The following ZBTB34 variants were observed in gnomAD, a reference collection of about 807,000 sequenced individuals.
ZBTB34 encodes the protein zinc finger and BTB domain containing 34.
ZBTB34 carries 1 observed loss-of-function variant against 33.4 expected under a neutral mutation model. The ratio of observed to expected loss-of-function variants is 0.03; its 90% CI spans 0.01 to 0.14. The LOEUF is 0.14. Ranked by LOEUF, ZBTB34 falls within the 10% of genes least tolerant of loss-of-function variation. The probability of loss-of-function intolerance (pLI) is 1.00; values close to 1 mark genes in which losing one functional copy is unlikely to be tolerated. For synonymous variants in ZBTB34, 283 were observed against 253.5 expected (o/e 1.12, Z -1.11); for missense variants, 406 against 657.2 (o/e 0.62, Z 4.18).
chr9:126,861,488 TCTAAGAACC>T (rs1421408196), intron 1 of ZBTB34, among the ~76,000 whole-genome samples: 1 of 152,122 alleles, frequency 6.6e-6, no homozygotes, highest in Non-Finnish European at 1.5e-5. Flanking sequence ...CATTTAACTC[TCTAAGAACC>T]CTTCTGGCTC....
intron 1 of ZBTB34, among the ~76,000 whole-genome samples, chr9:126,869,590 G>T (rs2033252354): frequency 6.6e-6 from 1 of 152,160 alleles, no homozygotes; most frequent in Non-Finnish European, 1.5e-5. Context: ...CTGGTGTGGG[G>T]GCGGCTGGGT....
At chr9:126,873,516 G>A (rs1355012431) in intron 1 of ZBTB34, among the ~76,000 whole-genome samples, 1 of 152,032 alleles carries the variant, frequency 6.6e-6, no homozygotes, top group Admixed American at 6.6e-5. Flanking sequence ...CGCCTAACTC[G>A]GCCTCCCAAA....
At chr9:126,864,404 C>G (rs1211050642) in intron 1 of ZBTB34, among the ~76,000 whole-genome samples, 1 of 152,164 alleles carries the variant, frequency 6.6e-6, no homozygotes, top group African/African-American at 2.4e-5. Context: ...TCCTCTCCTG[C>G]TTGGAAAGCT....
At position 126,880,380 on chromosome 9, in the gene ZBTB34, G is replaced by C; in HGVS notation, c.981G>C (p.Lys327Asn). 1 of 1,613,702 alleles carries C rather than the reference G, an allele frequency of 6.2e-7. No individual in the cohort carries two copies. The highest frequency in any genetic ancestry group is 8.5e-7 in the Non-Finnish European group (1 of 1,179,830). The change falls in exon 2 of 2, where the codon AAG becomes AAC. Residue 327 changes from lysine (K) to asparagine (N), a missense_variant. This residue lies in a region of ZBTB34 where 123 missense variants were observed against 140.4 expected (regional missense o/e 0.88). Transcript: ENST00000319119. This position sits in a 1 kb window ranked among gnomAD's most constrained non-coding sequence, Gnocchi z 6.7. Reference sequence around the variant, plus strand: ...TCCGAGGAGGGCGTGCCCGCCAGAAGCGGGCTTTGTCTGTCCACCTGCACA... The same window carrying C: ...TCCGAGGAGGGCGTGCCCGCCAGAACCGGGCTTTGTCTGTCCACCTGCACA...
At position 126,879,960 on chromosome 9, in the gene ZBTB34, G is replaced by C; in HGVS notation, c.561G>C (p.Glu187Asp). Residue 187 changes from glutamate to aspartate, a missense_variant, in exon 2 of 2, where the codon GAG becomes GAC. By Grantham distance (45) the Glu-to-Asp change is conservative. Transcript: ENST00000319119. This position sits in a 1 kb window ranked among gnomAD's most constrained non-coding sequence, Gnocchi z 6.4. The stretch of plus-strand genomic sequence containing the variant: ...CCGCAAGCAGTGACCTCCGGATGGA[G>C]ACGACCCCCAGCAAAGCTTTGCGCA... 6.2e-7 allele frequency: 1 copy of C among 1,613,348 alleles called. No individual in the cohort carries two copies. The highest frequency in any genetic ancestry group is 8.5e-7 in the Non-Finnish European group (1 of 1,179,882).
At chr9:126,870,788 G>A (rs957169020) in intron 1 of ZBTB34, among the ~76,000 whole-genome samples, 12 of 152,080 alleles carry the variant, frequency 7.9e-5, no homozygotes, top group Non-Finnish European at 1.8e-4. Flanking sequence ...TTAGCCAAGC[G>A]TGGTGGCTTG....
chr9:126,862,915 C>CTTTT (rs11363063), intron 1 of ZBTB34, among the ~76,000 whole-genome samples: 3 of 144,726 alleles, frequency 2.1e-5, no homozygotes, highest in African/African-American at 7.6e-5. Flanking sequence ...TGTAATTTGC[C>CTTTT]TTTTTTTTTT....
At chr9:126,885,723 CTTGTA>C (rs1281386722) in exon 2 of ZBTB34, 1 of 167,028 alleles carries the variant, frequency 6.0e-6, no homozygotes, top group African/African-American at 2.4e-5. Flanking sequence ...ATATTTTACT[CTTGTA>C]TTCACTTTGT....
exon 2 of ZBTB34, chr9:126,882,729 T>C (rs1047237139): frequency 6.0e-6 from 1 of 167,094 alleles, no homozygotes; most frequent in Non-Finnish European, 1.5e-5. Context: ...GAATACAGAA[T>C]TAGATGTTTG....
At position 126,866,796 on chromosome 9, in the gene ZBTB34, A is replaced by G. The variant is rs375839311; in HGVS notation, c.-11+6057A>G. 5.3e-5 allele frequency among the ~76,000 whole-genome samples: 8 copies of G among 152,296 alleles called. No individual in the cohort carries two copies. The East Asian group carries it at 1.5e-3, about 29-fold the overall frequency. ...TTAAAAAAAAATTTTAGTGAGAATAATAGTTATGTGATTTTTTAAATGCAA... is the reference window on the plus strand; with the variant it reads ...TTAAAAAAAAATTTTAGTGAGAATAGTAGTTATGTGATTTTTTAAATGCAA... On this transcript the variant is annotated intron_variant, in intron 1 of 1. Transcript: ENST00000319119.
Position 126,879,418 on chromosome 9 carries a change from A to G in ZBTB34, c.19A>G (p.Ser7Gly), listed in dbSNP as rs1171134128. 3 of 1,612,458 alleles carry G rather than the reference A, an allele frequency of 1.9e-6. No homozygotes were observed. The highest frequency in any genetic ancestry group is 2.5e-6 in the Non-Finnish European group (3 of 1,179,038). ...ACGCTTCATGTCAGTAGAAATGGAC[A>G]GCAGCAGTTTTATTCAGTTTGATGT... Residue 7 changes from serine to glycine, a missense_variant, in exon 2 of 2, where the codon AGC becomes GGC. Ser to Gly is a moderately conservative substitution (Grantham distance 56). Coordinates refer to ENST00000319119, the Ensembl canonical transcript of ZBTB34. This position sits in a 1 kb window ranked among gnomAD's most constrained non-coding sequence, Gnocchi z 6.4.
In ZBTB34 at chr9:126,879,570, C is replaced by T. The variant is rs1564225749; in HGVS notation, c.171C>T (p.Ser57=). Reference sequence around the variant, plus strand: ...CCCACAAAGCAGTCCTTGCTGCCAGCTCCCCATATTTCCGGGACCATTCAG... The same window carrying T: ...CCCACAAAGCAGTCCTTGCTGCCAGTTCCCCATATTTCCGGGACCATTCAG... The change falls in exon 2 of 2, where the codon AGC becomes AGT. Residue 57 remains serine (S), a synonymous_variant. Transcript: ENST00000319119. This position sits in a 1 kb window ranked among gnomAD's most constrained non-coding sequence, Gnocchi z 6.4. 6.2e-7 allele frequency: 1 copy of T among 1,613,940 alleles called. No individual in the cohort carries two copies. The highest frequency in any genetic ancestry group is 1.7e-5 in the Admixed American group (1 of 60,030).
chr9:126,878,014 A>C (rs2033384771), intron 1 of ZBTB34, among the ~76,000 whole-genome samples: 2 of 152,016 alleles, frequency 1.3e-5, no homozygotes, highest in African/African-American at 4.8e-5. Flanking sequence ...ATAAAATAAA[A>C]ATAAATAAAA....
chr9:126,880,143 C>T lies in ZBTB34; in HGVS notation c.744C>T (p.Pro248=), dbSNP rs909956176. The change falls in exon 2 of 2, where the codon CCC becomes CCT. Residue 248 remains proline (P), a synonymous_variant. Coordinates refer to ENST00000319119, the Ensembl canonical transcript of ZBTB34. This position sits in a 1 kb window ranked among gnomAD's most constrained non-coding sequence, Gnocchi z 6.7. ...TGAAGATGGAGAAGTCCGACCGGCC[C>T]AGCTGTTCCGACAGCTCCTCCCTGG... 1.2e-6 allele frequency: 2 copies of T among 1,613,770 alleles called. No individual in the cohort carries two copies. Among genetic ancestry groups the T allele is most frequent in the Non-Finnish European group, 1.7e-6 (2 of 1,179,890 alleles).
At position 126,880,940 on chromosome 9, in the gene ZBTB34, A is replaced by G; in HGVS notation, c.*26A>G. On this transcript the variant is annotated 3_prime_UTR_variant, in exon 2 of 2. Coordinates refer to ENST00000319119, the Ensembl canonical transcript of ZBTB34. This position sits in a 1 kb window ranked among gnomAD's most constrained non-coding sequence, Gnocchi z 6.7. ...GATGGTAAAGAAGTGCACCCAAACAAAGCACATTAATCAATGCATATTTGT... is the reference window on the plus strand; with the variant it reads ...GATGGTAAAGAAGTGCACCCAAACAGAGCACATTAATCAATGCATATTTGT... The G allele has an allele frequency of 1.3e-6, 2 of 1,580,128 alleles. No individual in the cohort carries two copies. Among genetic ancestry groups the G allele is most frequent in the Non-Finnish European group, 1.7e-6 (2 of 1,161,110 alleles).
intron 1 of ZBTB34, among the ~76,000 whole-genome samples, chr9:126,867,039 G>C (rs1432816410): frequency 6.6e-6 from 1 of 151,084 alleles, no homozygotes; most frequent in Admixed American, 6.6e-5. Context: ...CCATATCAAA[G>C]CATACAGATC....
intron 1 of ZBTB34, among the ~76,000 whole-genome samples, chr9:126,877,846 A>G (rs2033382556): frequency 6.6e-6 from 1 of 151,594 alleles, no homozygotes; most frequent in South Asian, 2.1e-4. Context: ...CTCTACTGAA[A>G]ATACAAAAAC....
At chr9:126,867,949 G>C (rs568293294) in intron 1 of ZBTB34, among the ~76,000 whole-genome samples, 9 of 152,084 alleles carry the variant, frequency 5.9e-5, no homozygotes, top group African/African-American at 2.2e-4. Flanking sequence ...TATTTTATGT[G>C]ACCCTCTAAT....
At position 126,874,208 on chromosome 9, in the gene ZBTB34, AT is replaced by A. The variant is rs759143140; in HGVS notation, c.-10-5167del. ...AGGCGCCCGCCACCATGCCCGGCTA[AT>A]TTTTTTTTTTTTTTGTATTTTTAGT... On this transcript the variant is annotated intron_variant, in intron 1 of 1. Transcript: ENST00000319119. 9.0e-3 allele frequency among the ~76,000 whole-genome samples: 1,213 copies of A among 135,130 alleles called. 34 individuals are homozygous for A. The East Asian group carries it at 0.11, about 12-fold the overall frequency. The allele number at this position is 135,130 out of a possible 152,430, so 88.7% of individuals were successfully genotyped here. A position where few individuals can be genotyped will look rare whatever the true frequency, so the allele number is the denominator to read the frequency against.
Sources: gnomAD v4.1 joint callset for allele counts (sites outside exome capture counted in the v4.1 genomes callset) on GRCh38, gnomAD v4.1.1 for gene constraint, gnomAD v4.1.1 regional missense constraint, Gnocchi (gnomAD v3.1) non-coding constraint, MANE v1.5 for transcripts, NCBI Gene and HGNC (gene_info 2026-07-23, HGNC 2026-07-21) for gene names.